Variants in TAF4 observed in about 807,000 individuals in gnomAD.
TAF4 encodes the protein transcription initiation factor TFIID subunit 4.
TAF4 carries 9 observed loss-of-function variants against 90.3 expected under a neutral mutation model. The ratio of observed to expected loss-of-function variants is 0.10; its 90% confidence interval spans 0.06 to 0.17. The LOEUF (loss-of-function observed/expected upper bound fraction) is 0.17. TAF4 is among the 10% of genes least tolerant of loss of function. The probability of loss-of-function intolerance (pLI) is 1.00; values close to 1 mark genes in which losing one functional copy is unlikely to be tolerated. For synonymous variants in TAF4, 818 were observed against 638.9 expected (o/e 1.28, Z -4.23); for missense variants, 1,351 against 1,370.7 (o/e 0.99, Z 0.23).
At chr20:62,059,966 A>C (rs1253915871) in intron 1 of TAF4, among the ~76,000 whole-genome samples, 3 of 152,246 alleles carry the variant, frequency 2.0e-5, no homozygotes, top group Non-Finnish European at 4.4e-5. Context: ...ATACAGTAGA[A>C]AAGGCTTTGG....
chr20:62,007,654 T>C lies in TAF4; in HGVS notation c.1885-18A>G, dbSNP rs752038636. The C allele has an allele frequency of 3.1e-6, 5 of 1,593,012 alleles. No individual in the cohort carries two copies. Among genetic ancestry groups the C allele is most frequent in the African/African-American group, 1.4e-5 (1 of 73,976 alleles). On this transcript the variant is annotated intron_variant, in intron 5 of 14. Coordinates refer to ENST00000252996, the MANE Select transcript of TAF4 (RefSeq NM_003185.4). ...TTTCCATCCTTAAAAATAAAATCCA[T>C]GTTGAAATTCTGGTGAATGAGATTC...
chr20:62,064,958 C>G lies in TAF4; in HGVS notation c.853G>C (p.Gly285Arg). ...PAPATLARPP[G>R]HPAGPPTAAP... is the part of the protein sequence containing the mutation. ...GCGGTCGGGGGTCCGGCGGGGTGGC[C>G]GGGCGGCCGGGCCAGAGTGGCGGGC... Residue 285 changes from glycine to arginine, a missense_variant, in exon 1 of 15, where the codon GGC becomes CGC. By Grantham distance (125) the Gly-to-Arg change is moderately radical (BLOSUM62 -2). This residue lies in a region of TAF4 where 782 missense variants were observed against 536.6 expected (regional missense o/e 1.46). Transcript: ENST00000252996. 2.5e-6 allele frequency: 1 copy of G among 399,766 alleles called. No individual in the cohort carries two copies. The highest frequency in any genetic ancestry group is 3.1e-6 in the Non-Finnish European group (1 of 321,756). 24.8% of individuals were successfully genotyped at this position (399,766 alleles called of 1,614,324 possible). A position where few individuals can be genotyped will look rare whatever the true frequency, so the allele number is the denominator to read the frequency against.
At chr20:62,062,415 TTTGG>T (rs1279970633) in intron 1 of TAF4, among the ~76,000 whole-genome samples, 1 of 152,154 alleles carries the variant, frequency 6.6e-6, no homozygotes, top group Non-Finnish European at 1.5e-5. Context: ...TTTTTTTTGC[TTTGG>T]TTATTATTGA....
At chr20:62,013,088 G>C (rs1247738036) in intron 2 of TAF4, among the ~76,000 whole-genome samples, 154 bp from the exon 3 acceptor site, 2 of 152,172 alleles carry the variant, frequency 1.3e-5, no homozygotes, top group Non-Finnish European at 2.9e-5. Flanking sequence ...TAATTCTAAA[G>C]TTTTCTTACC....
intron 8 of TAF4, 126 bp downstream of exon 8, chr20:62,003,605 C>T (rs771101496): frequency 2.8e-5 from 31 of 1,092,162 alleles, no homozygotes; most frequent in Non-Finnish European, 3.9e-5. Context: ...TGCCACTGAA[C>T]TAGATACTTA....
In TAF4 at chr20:62,061,789, A is replaced by C. The variant is rs1310917110; in HGVS notation, c.1360+2662T>G. 4.6e-5 allele frequency among the ~76,000 whole-genome samples: 7 copies of C among 152,220 alleles called. No individual in the cohort carries two copies. The South Asian group carries it at 8.3e-4, about 18-fold the overall frequency. Reference sequence around the variant, plus strand: ...TTTCTCATTTTTCCTCAGTGAATAAAATCTAAACTCTGGCACCTCAAACCA... The same window carrying C: ...TTTCTCATTTTTCCTCAGTGAATAACATCTAAACTCTGGCACCTCAAACCA... On this transcript the variant is annotated intron_variant, in intron 1 of 14. Coordinates refer to ENST00000252996, the MANE Select transcript of TAF4 (RefSeq NM_003185.4).
At chr20:62,015,649 G>A (rs370549691) in intron 1 of TAF4, among the ~76,000 whole-genome samples, 6 of 152,304 alleles carry the variant, frequency 3.9e-5, no homozygotes, top group East Asian at 3.9e-4. Context: ...CACAGGGGGC[G>A]GCCACTGCGT....
chr20:62,048,684 C>T (rs1014028125), intron 1 of TAF4, among the ~76,000 whole-genome samples: 21 of 150,978 alleles, frequency 1.4e-4, no homozygotes, highest in African/African-American at 4.9e-4. Context: ...AGGGCCCTCT[C>T]CTGGCGTGCC....
chr20:62,049,574 A>G (rs1375366358), intron 1 of TAF4, among the ~76,000 whole-genome samples: 1 of 150,110 alleles, frequency 6.7e-6, no homozygotes, highest in African/African-American at 2.5e-5. Context: ...GGTCTCATCT[A>G]CCTGAGTCAC....
intron 1 of TAF4, among the ~76,000 whole-genome samples, chr20:62,022,759 C>T: frequency 6.6e-6 from 1 of 152,226 alleles, no homozygotes; most frequent in Non-Finnish European, 1.5e-5. Flanking sequence ...CAAAGCAGCA[C>T]AGGGGAACAT....
Position 61,976,103 on chromosome 20 carries a change from C to T in TAF4, c.*65G>A. ...GGTGGCTGTTTTTTAAACAATATCC[C>T]ATTTGCTCGTTACAAAAAGGCGTAA... On this transcript the variant is annotated 3_prime_UTR_variant, in exon 15 of 15. Coordinates refer to ENST00000252996, the MANE Select transcript of TAF4 (RefSeq NM_003185.4). 1 of 1,553,828 alleles carries T rather than the reference C, an allele frequency of 6.4e-7. No homozygotes were observed. Among genetic ancestry groups the T allele is most frequent in the Non-Finnish European group, 8.9e-7 (1 of 1,128,452 alleles).
At chr20:62,064,134 G>A (rs1437534123) in intron 1 of TAF4, among the ~76,000 whole-genome samples, 3 of 152,374 alleles carry the variant, frequency 2.0e-5, no homozygotes, top group South Asian at 4.1e-4. Flanking sequence ...GGACGCATAG[G>A]GCGGGAGCAG....
At chr20:62,032,813 C>T (rs1366045338) in intron 1 of TAF4, among the ~76,000 whole-genome samples, 2 of 152,158 alleles carry the variant, frequency 1.3e-5, no homozygotes, top group Admixed American at 6.5e-5. Flanking sequence ...CCAGCACACA[C>T]TGGGCACTGG....
At chr20:62,051,774 C>G (rs2056029085) in intron 1 of TAF4, among the ~76,000 whole-genome samples, 1 of 152,224 alleles carries the variant, frequency 6.6e-6, no homozygotes, top group East Asian at 1.9e-4. Context: ...AACGCTGCCC[C>G]TGCCAAGCCT....
chr20:62,040,473 G>A (rs561064012), intron 1 of TAF4, among the ~76,000 whole-genome samples: 1 of 152,240 alleles, frequency 6.6e-6, no homozygotes, highest in Non-Finnish European at 1.5e-5. Context: ...GCTGGAGCAG[G>A]GGCTCACCCC....
chr20:62,038,183 A>G (rs2055944285), intron 1 of TAF4, among the ~76,000 whole-genome samples: 1 of 151,988 alleles, frequency 6.6e-6, no homozygotes, highest in Non-Finnish European at 1.5e-5. Context: ...GCCCACCACT[A>G]CGCCCGGCTA....
At chr20:62,030,079 C>A (rs904781545) in intron 1 of TAF4, among the ~76,000 whole-genome samples, 1 of 152,040 alleles carries the variant, frequency 6.6e-6, no homozygotes, top group East Asian at 2.0e-4. Context: ...GCCAGCGCTG[C>A]GAGGCCAGGC....
intron 2 of TAF4, among the ~76,000 whole-genome samples, chr20:62,014,060 G>T (rs796793843): frequency 1.5e-4 from 22 of 151,248 alleles, no homozygotes; most frequent in African/African-American, 5.4e-4. Flanking sequence ...GTGTGTGTGT[G>T]TGTGTCCCTC....
At chr20:62,014,072 G>A (rs1020075925) in intron 2 of TAF4, among the ~76,000 whole-genome samples, 5 of 150,736 alleles carry the variant, frequency 3.3e-5, no homozygotes, top group African/African-American at 9.8e-5. Context: ...GTGTCCCTCT[G>A]GCACCCCCTA....
Sources: gnomAD v4.1 joint callset for allele counts (sites outside exome capture counted in the v4.1 genomes callset) on GRCh38, gnomAD v4.1.1 for gene constraint, gnomAD v4.1.1 regional missense constraint, MANE v1.5 for transcripts, NCBI Gene and HGNC (gene_info 2026-07-23, HGNC 2026-07-21) for gene names.